The following MBNL2 variants were observed in gnomAD, a reference collection of about 807,000 sequenced individuals.
MBNL2 encodes the protein muscleblind like splicing regulator 2, also known as muscleblind-like protein 2.
In MBNL2, 17 loss-of-function variants were observed where a neutral mutation model predicts 41.9. The ratio of observed to expected loss-of-function variants is 0.41; its 90% CI spans 0.28 to 0.61. The LOEUF (loss-of-function observed/expected upper bound fraction) is 0.61, where lower values mean the gene tolerates loss of function less well. Ranked by LOEUF, MBNL2 falls within the 20% of genes least tolerant of loss-of-function variation. The pLI is 0.35. For synonymous variants in MBNL2, 195 were observed against 182.9 expected (o/e 1.07, Z -0.53); for missense variants, 336 against 505.6 (o/e 0.66, Z 3.22).
chr13:97,201,341 T>C, the MBNL2 span, among the ~76,000 whole-genome samples: 1 of 152,236 alleles, frequency 6.6e-6, no homozygotes, highest in African/African-American at 2.4e-5. Context: ...CTTATAATGT[T>C]GCACCTCACA....
chr13:97,372,660 A>T (rs2064501440), intron 8 of MBNL2, among the ~76,000 whole-genome samples: 1 of 152,234 alleles, frequency 6.6e-6, no homozygotes, highest in South Asian at 2.1e-4. Flanking sequence ...TCAGAAAGAT[A>T]ACATGTAACC....
chr13:97,235,781 C>T (rs1382946212), intron 1 of MBNL2, among the ~76,000 whole-genome samples: 1 of 152,016 alleles, frequency 6.6e-6, no homozygotes, highest in South Asian at 2.1e-4. Context: ...AGAGGGGCAT[C>T]GGCCTGGGAG....
the MBNL2 span, among the ~76,000 whole-genome samples, chr13:97,175,302 C>A: frequency 6.6e-6 from 1 of 152,192 alleles, no homozygotes; most frequent in African/African-American, 2.4e-5. Context: ...ACTTCTTCCC[C>A]GTTTATCCTT....
At chr13:97,146,405 A>G in the MBNL2 span, among the ~76,000 whole-genome samples, 1 of 152,300 alleles carries the variant, frequency 6.6e-6, no homozygotes, top group South Asian at 2.1e-4. Context: ...AGGCATGAAC[A>G]TATGTATTTG....
intron 2 of MBNL2, among the ~76,000 whole-genome samples, chr13:97,323,422 G>A (rs770531187): frequency 3.3e-5 from 5 of 152,154 alleles, no homozygotes; most frequent in Admixed American, 6.5e-5. Flanking sequence ...TAAAAATTGC[G>A]TCTGTACTGA....
chr13:97,306,395 T>C (rs9516901), intron 2 of MBNL2, among the ~76,000 whole-genome samples: 2,445 of 152,380 alleles, frequency 0.016, 35 homozygotes, highest in Non-Finnish European at 0.024. Context: ...TTGAGCACTC[T>C]CACTTTTTCT....
chr13:97,387,925 A>T (rs2153169714), intron 8 of MBNL2, among the ~76,000 whole-genome samples: 1 of 152,198 alleles, frequency 6.6e-6, no homozygotes, highest in South Asian at 2.1e-4. Flanking sequence ...TGTTTCTCTG[A>T]CTTACGCATA....
chr13:97,340,070 A>C lies in MBNL2; in HGVS notation c.340-2946A>C, dbSNP rs192137603. On this transcript the variant is annotated intron_variant, in intron 3 of 8. Coordinates refer to ENST00000679496, the MANE Select transcript of MBNL2 (RefSeq NM_001382683.1). The stretch of plus-strand genomic sequence containing the variant: ...ATTGTTTTCACCTGGAAGGCTGAGC[A>C]ATTCTTGCTGCCGCACTTGCTTCTC... Among the ~76,000 whole-genome samples, 156 of 152,332 alleles carry C rather than the reference A, an allele frequency of 1.0e-3. 1 individual carries two copies. The highest frequency in any genetic ancestry group is 3.4e-3 in the African/African-American group (143 of 41,572).
At chr13:97,321,933 C>G (rs1312928196) in intron 2 of MBNL2, among the ~76,000 whole-genome samples, 1 of 152,222 alleles carries the variant, frequency 6.6e-6, no homozygotes, top group East Asian at 1.9e-4. Context: ...AACATTACCT[C>G]TGCTAAGAGC....
chr13:97,344,969 G>GA (rs1375200289), intron 4 of MBNL2, among the ~76,000 whole-genome samples: 6 of 152,220 alleles, frequency 3.9e-5, no homozygotes, highest in Non-Finnish European at 8.8e-5. Context: ...GATGCTATCA[G>GA]ACAGAAGTCA....
Position 97,276,155 on chromosome 13 carries a change from C to A in MBNL2, c.-81C>A, listed in dbSNP as rs2052090455. The A allele has an allele frequency of 1.8e-6, 2 of 1,117,136 alleles. No individual in the cohort carries two copies. The highest frequency in any genetic ancestry group is 1.5e-5 in the African/African-American group (1 of 64,836). 69.2% of individuals were successfully genotyped at this position (1,117,136 alleles called of 1,614,324 possible). A position where few individuals can be genotyped will look rare whatever the true frequency, so the allele number is the denominator to read the frequency against. On this transcript the variant is annotated 5_prime_UTR_variant, in exon 2 of 9. Transcript: ENST00000679496. ...TCAGACTTACATGTGGGAGTTTTCA[C>A]AACAGTAGTTTTGGAATCATTAGAA...
rs1176769677 is a variant in MBNL2, at chr13:97,393,855, G to C, written c.*2406G>C. On this transcript the variant is annotated 3_prime_UTR_variant, in exon 9 of 9. Coordinates refer to ENST00000679496, the MANE Select transcript of MBNL2 (RefSeq NM_001382683.1). ...AGATATCAGTTCAACAAATACTGTA[G>C]TTAAGAGACTAACTCTCCACTTGTA... 1 of 152,484 alleles carries C rather than the reference G, an allele frequency of 6.6e-6. No individual in the cohort carries two copies. The highest frequency in any genetic ancestry group is 1.5e-5 in the Non-Finnish European group (1 of 67,988). 9.4% of individuals were successfully genotyped at this position (152,484 alleles called of 1,614,324 possible). A position where few individuals can be genotyped will look rare whatever the true frequency, so the allele number is the denominator to read the frequency against.
intron 1 of MBNL2, among the ~76,000 whole-genome samples, chr13:97,273,477 C>T (rs114080766): frequency 0.01 from 1,558 of 152,286 alleles, 39 homozygotes; most frequent in African/African-American, 0.036. Context: ...GTGAATGCAG[C>T]GTTGCCAAAC....
the MBNL2 span, among the ~76,000 whole-genome samples, chr13:97,158,748 G>A: frequency 2.6e-5 from 4 of 152,012 alleles, no homozygotes; most frequent in African/African-American, 4.8e-5. Flanking sequence ...TGATTGCACT[G>A]TGGTCTGAGA....
chr13:97,224,407 G>A (rs1258165140), intron 1 of MBNL2, among the ~76,000 whole-genome samples: 3 of 152,094 alleles, frequency 2.0e-5, no homozygotes, highest in East Asian at 1.9e-4. Context: ...CACAGAGATC[G>A]GGGGAAGGGT....
the MBNL2 span, among the ~76,000 whole-genome samples, chr13:97,209,599 C>T: frequency 6.6e-6 from 1 of 152,050 alleles, no homozygotes; most frequent in Non-Finnish European, 1.5e-5. Context: ...TCTTTGAGAA[C>T]GATGATAAAA....
chr13:97,163,004 G>A, the MBNL2 span, among the ~76,000 whole-genome samples: 3 of 152,122 alleles, frequency 2.0e-5, no homozygotes, highest in East Asian at 1.9e-4. Context: ...TGAGATGCTC[G>A]AGAAAACCAT....
chr13:97,303,242 A>G (rs749787807), intron 2 of MBNL2, among the ~76,000 whole-genome samples: 7 of 152,136 alleles, frequency 4.6e-5, no homozygotes, highest in South Asian at 2.1e-4. Context: ...TTTCTTAAGT[A>G]TCTGGGGACA....
Position 97,334,278 on chromosome 13 carries a change from C to T in MBNL2, c.177C>T (p.Gly59=). ...RVIACFDSLK[G]RCSRENCKYL... is the part of the protein sequence containing the mutation. ...AAAACCAACACTTGTTTTTACAGGGCCGTTGTTCGAGAGAGAACTGCAAGT... is the reference window on the plus strand; with the variant it reads ...AAAACCAACACTTGTTTTTACAGGGTCGTTGTTCGAGAGAGAACTGCAAGT... The change falls in exon 3 of 9, where the codon GGC becomes GGT. Residue 59 remains glycine, a splice_region_variant and synonymous_variant. Transcript: ENST00000679496. This position sits in a 1 kb window ranked among gnomAD's most constrained non-coding sequence, Gnocchi z 5.3. 1 of 1,607,086 alleles carries T rather than the reference C, an allele frequency of 6.2e-7. No individual in the cohort carries two copies. Among genetic ancestry groups the T allele is most frequent in the South Asian group, 1.1e-5 (1 of 89,664 alleles).
Sources: allele counts gnomAD v4.1 joint callset (sites outside exome capture counted in the v4.1 genomes callset), GRCh38; gene constraint gnomAD v4.1.1; non-coding constraint Gnocchi (gnomAD v3.1); transcripts MANE v1.5; gene names NCBI Gene and HGNC (gene_info 2026-07-23, HGNC 2026-07-21).